The following HUWE1 variants were observed in gnomAD, a reference collection of about 807,000 sequenced individuals.
HUWE1 encodes E3 ubiquitin-protein ligase HUWE1.
Under a neutral mutation model 299.4 loss-of-function variants are expected in HUWE1, and 18 were observed. The ratio of observed to expected loss-of-function variants is 0.06; its 90% CI spans 0.04 to 0.09. The LOEUF (loss-of-function observed/expected upper bound fraction) is 0.09. Among genes scored for constraint, HUWE1 ranks in the 10% least tolerant of loss-of-function variants. The pLI is 1.00. For synonymous variants in HUWE1, 1,317 were observed against 1,286.1 expected (o/e 1.02, Z -0.51); for missense variants, 1,832 against 3,462.3 (o/e 0.53, Z 11.82).
chrX:53,665,785 A>G (rs1393934624), intron 3 of HUWE1, among the ~76,000 whole-genome samples: 1 of 112,464 alleles, frequency 8.9e-6, no homozygotes, highest in African/African-American at 3.2e-5. Flanking sequence ...CAGGAGAGGA[A>G]CAGACTCCTT....
intron 43 of HUWE1, among the ~76,000 whole-genome samples, chrX:53,579,037 G>C (rs1468945808): frequency 9.5e-5 from 7 of 73,490 alleles, no homozygotes; most frequent in Non-Finnish European, 1.6e-4. Flanking sequence ...GGCGGGGGGG[G>C]GGGTCGGCCA....
intron 83 of HUWE1, 151 bp from the exon 84 acceptor site, chrX:53,533,562 C>T: frequency 4.0e-6 from 2 of 498,808 alleles, no homozygotes; most frequent in Admixed American, 5.8e-5. Flanking sequence ...CCAGTATGTC[C>T]CCCTTTATCT....
chrX:53,600,377 T>G, intron 28 of HUWE1, 68 bp from the exon 29 acceptor site: 3 of 821,808 alleles, frequency 3.7e-6, no homozygotes, highest in South Asian at 2.4e-5. Context: ...CCTTGAGAAG[T>G]ACTGACAAGA....
At chrX:53,613,689 T>C (rs936635250) in intron 23 of HUWE1, among the ~76,000 whole-genome samples, 3 of 111,847 alleles carry the variant, frequency 2.7e-5, no homozygotes, top group Non-Finnish European at 3.8e-5. Context: ...TACAGTCATA[T>C]AGTAAATTCC....
intron 3 of HUWE1, among the ~76,000 whole-genome samples, chrX:53,664,128 G>A (rs2069140025): frequency 1.8e-5 from 2 of 111,120 alleles, no homozygotes; most frequent in South Asian, 7.6e-4. Flanking sequence ...TTGGCTCACT[G>A]CAGCCTCAAC....
At chrX:53,646,380 AC>A (rs1482204783) in intron 6 of HUWE1, among the ~76,000 whole-genome samples, 1 of 109,150 alleles carries the variant, frequency 9.2e-6, no homozygotes, top group Non-Finnish European at 1.9e-5. Flanking sequence ...CTGGTCTTGA[AC>A]CCCTGGGCTC....
chrX:53,600,103 A>G lies in HUWE1; in HGVS notation c.3163+15T>C. The G allele has an allele frequency of 2.6e-5, 31 of 1,199,013 alleles. No homozygotes were observed. Among genetic ancestry groups the G allele is most frequent in the Non-Finnish European group, 3.4e-5 (30 of 883,515 alleles). On this transcript the variant is annotated intron_variant, in intron 29 of 83. Transcript: ENST00000262854. ...CTGAAAGCCAGAAAAGGTAGGAGAAAGGAGAATGACTCACCTGATAACAAA... is the reference window on the plus strand; with the variant it reads ...CTGAAAGCCAGAAAAGGTAGGAGAAGGGAGAATGACTCACCTGATAACAAA...
intron 3 of HUWE1, among the ~76,000 whole-genome samples, chrX:53,666,090 G>C (rs1161561531): frequency 8.9e-6 from 1 of 112,557 alleles, no homozygotes; most frequent in Non-Finnish European, 1.9e-5. Context: ...GTTCAGGAAA[G>C]TATTTTCATT....
chrX:53,612,780 A>T (rs1001072312), intron 23 of HUWE1, among the ~76,000 whole-genome samples: 13 of 111,898 alleles, frequency 1.2e-4, no homozygotes, highest in South Asian at 3.8e-4. Flanking sequence ...ATGTAAAAGG[A>T]GGTGATGTGG....
At position 53,547,855 on chromosome X, in the gene HUWE1, G is replaced by C; in HGVS notation, c.10454C>G (p.Thr3485Ser). ...GGTGGTAGATGTGGTTGAGGTGGCA[G>C]TGGTGGTGGAGGAAGCACCGCTGCC... is the stretch of plus-strand genomic sequence containing the variant. The part of the protein sequence containing the change: ...NSGSGASSTT[T>S]ATSTTSTTTT... Residue 3485 changes from threonine (T) to serine (S), a missense_variant, in exon 68 of 84, where the codon ACT becomes AGT. Around this residue, in one of 15 missense-constraint regions of HUWE1, gnomAD observed 119 missense variants for 124.6 expected, o/e 0.96. Transcript: ENST00000262854. The C allele has an allele frequency of 1.7e-6, 2 of 1,204,731 alleles. No individual in the cohort carries two copies. The highest frequency in any genetic ancestry group is 2.2e-6 in the Non-Finnish European group (2 of 891,533).
At chrX:53,542,120 T>C (rs964687336) in intron 74 of HUWE1, among the ~76,000 whole-genome samples, 2 of 111,645 alleles carry the variant, frequency 1.8e-5, no homozygotes, top group East Asian at 5.6e-4. Flanking sequence ...GAGGCAGAGG[T>C]TGCAGTGAGC....
chrX:53,611,161 A>C, intron 23 of HUWE1, among the ~76,000 whole-genome samples: 1 of 102,944 alleles, frequency 9.7e-6, no homozygotes, highest in Middle Eastern at 4.8e-3. Flanking sequence ...TACAAACACC[A>C]TTTGCAAATA....
At chrX:53,625,699 C>T (rs2148972408) in intron 17 of HUWE1, 2 of 146,647 alleles carry the variant, frequency 1.4e-5, no homozygotes, top group Admixed American at 7.8e-5. Flanking sequence ...TCCAAATGTA[C>T]CATTTAAGTT....
chrX:53,607,447 T>C, intron 25 of HUWE1, 76 bp downstream of exon 25: 1 of 930,838 alleles, frequency 1.1e-6, no homozygotes, highest in South Asian at 2.2e-5. Context: ...GAGACCATAG[T>C]AAAAACATAT....
chrX:53,577,653 C>T (rs1337194506), intron 43 of HUWE1, among the ~76,000 whole-genome samples: 1 of 112,652 alleles, frequency 8.9e-6, no homozygotes, highest in African/African-American at 3.2e-5. Flanking sequence ...CGAGTGCCTG[C>T]GATTGCAGGC....
At position 53,546,736 on chromosome X, in the gene HUWE1, G is replaced by A; in HGVS notation, c.10726C>T (p.Leu3576Phe). 8.3e-7 allele frequency: 1 copy of A among 1,211,196 alleles called. No homozygotes were observed. Among genetic ancestry groups the A allele is most frequent in the Non-Finnish European group, 1.1e-6 (1 of 894,962 alleles). Residue 3576 changes from leucine to phenylalanine, a missense_variant, in exon 69 of 84, where the codon CTC (leucine) becomes TTC (phenylalanine). Around this residue, in one of 15 missense-constraint regions of HUWE1, gnomAD observed 48 missense variants for 87.0 expected, o/e 0.55. Transcript: ENST00000262854. Reference sequence around the variant, plus strand: ...GAGAGCTGTAGCTGGTTTTCAGTGAGGCCAGAGGACACCATCTTAAAGTCT... The same window carrying A: ...GAGAGCTGTAGCTGGTTTTCAGTGAAGCCAGAGGACACCATCTTAAAGTCT... ...STDFKMVSSG[L>F]TENQLQLSVE...
intron 17 of HUWE1, chrX:53,626,157 C>T (rs1845842136): frequency 3.4e-6 from 1 of 292,774 alleles, no homozygotes; most frequent in South Asian, 3.2e-5. Flanking sequence ...ATCAGGAATA[C>T]TGAACCCCAA....
chrX:53,534,463 G>C (rs1334174986), intron 82 of HUWE1, 53 bp downstream of exon 82: 6 of 1,069,445 alleles, frequency 5.6e-6, no homozygotes, highest in Non-Finnish European at 7.7e-6. Context: ...ACACAAACTA[G>C]CGTTGCCTAG....
Position 53,533,324 on chromosome X carries a change from G to C in HUWE1, c.13110C>G (p.Gly4370=). 1 of 1,203,515 alleles carries C rather than the reference G, an allele frequency of 8.3e-7. No homozygotes were observed. The highest frequency in any genetic ancestry group is 1.1e-6 in the Non-Finnish European group (1 of 888,872). Residue 4370 remains glycine (G), a synonymous_variant, in exon 84 of 84, where the codon GGC becomes GGG. Transcript: ENST00000262854. ...LLLAIQECSE[G]FGLA is the part of the protein sequence containing the mutation. ...CAGGGCCTTATTAGGCCAGCCCAAA[G>C]CCTTCAGAGCACTCCTGGATAGCCA...
Sources: allele counts gnomAD v4.1 joint callset (sites outside exome capture counted in the v4.1 genomes callset), GRCh38; gene constraint gnomAD v4.1.1; regional missense constraint gnomAD v4.1.1; transcripts MANE v1.5; gene names NCBI Gene and HGNC (gene_info 2026-07-23, HGNC 2026-07-21).